SIRPA: variants seen among roughly 807,000 people sequenced by gnomAD.
SIRPA encodes signal regulatory protein alpha, also known as tyrosine-protein phosphatase non-receptor type substrate 1.
SIRPA carries 9 observed loss-of-function variants against 50.3 expected under a neutral mutation model. That is an observed-to-expected ratio of 0.18 (90% CI 0.11 to 0.31). The LOEUF (loss-of-function observed/expected upper bound fraction) is 0.31, where lower values mean the gene tolerates loss of function less well. Ranked by LOEUF, SIRPA falls within the 10% of genes least tolerant of loss-of-function variation. The pLI, the probability that SIRPA is intolerant of heterozygous loss-of-function variation, is 1.00. For synonymous variants in SIRPA, 265 were observed against 284.1 expected, an observed-to-expected ratio of 0.93 and a Z score of 0.68; for missense variants, 474 against 661.6, an observed-to-expected ratio of 0.72 and a Z score of 3.11.
At chr20:1,901,495 C>G (rs188153340) in intron 1 of SIRPA, among the ~76,000 whole-genome samples, 1 of 152,082 alleles carries the variant, frequency 6.6e-6, no homozygotes, top group Non-Finnish European at 1.5e-5. Context: ...TATCAGTGCA[C>G]CTTCCTATGA....
upstream of SIRPA, chr20:1,895,283 C>T (rs189060213): frequency 0.053 from 23,153 of 440,838 alleles, 698 homozygotes; most frequent in Non-Finnish European, 0.066. Context: ...CTCCAAAAAC[C>T]GCGGCGGCGG....
At chr20:1,931,883 T>C (rs762431661) in intron 6 of SIRPA, among the ~76,000 whole-genome samples, 2 of 152,228 alleles carry the variant, frequency 1.3e-5, no homozygotes, top group Non-Finnish European at 2.9e-5. Flanking sequence ...ATTTATTCAC[T>C]TGTCAGACAT....
In SIRPA at chr20:1,936,720, T is replaced by C. The variant is rs1600467178; in HGVS notation, c.1267-600T>C. Among the ~76,000 whole-genome samples, 1 of 152,196 alleles carries C rather than the reference T, an allele frequency of 6.6e-6. No homozygotes were observed. Among genetic ancestry groups the C allele is most frequent in the East Asian group, 1.9e-4 (1 of 5,202 alleles). On this transcript the variant is annotated intron_variant, in intron 7 of 7. Transcript: ENST00000358771. The surrounding 1 kb of genome is among the most constrained non-coding windows in gnomAD (Gnocchi z 4.2). ...ATCATAACAAATGCCCAGTGAATAT[T>C]TGTGGAATAAACGCATACATTAATG...
At chr20:1,923,990 T>C (rs79810152) in intron 4 of SIRPA, among the ~76,000 whole-genome samples, 1 of 105,024 alleles carries the variant, frequency 9.5e-6, no homozygotes, top group Non-Finnish European at 2.0e-5. Context: ...GGTTGGTTGG[T>C]TGGTTGGTTG....
intron 2 of SIRPA, among the ~76,000 whole-genome samples, chr20:1,918,085 A>G (rs1985406947): frequency 6.6e-6 from 1 of 152,144 alleles, no homozygotes; most frequent in Non-Finnish European, 1.5e-5. Context: ...TCATCTGTAG[A>G]ATGGTGATAA....
In SIRPA at chr20:1,908,100, G is replaced by T. The variant is rs183705261; in HGVS notation, c.80-6999G>T. 1.9e-3 allele frequency among the ~76,000 whole-genome samples: 294 copies of T among 152,244 alleles called. 3 individuals are homozygous for T. Among genetic ancestry groups the T allele is most frequent in the Middle Eastern group, 3.4e-3 (1 of 294 alleles). On this transcript the variant is annotated intron_variant, in intron 1 of 7. Transcript: ENST00000358771. ...ACAGATACCACACAGGGTGTTGACC[G>T]CCAGGAGCCCATGGCAGACTTGAGG... is the stretch of plus-strand genomic sequence containing the variant.
chr20:1,939,053 C>A lies in SIRPA; in HGVS notation c.*1485C>A, dbSNP rs1280702719. The A allele has an allele frequency of 2.6e-5, 4 of 152,696 alleles. No individual in the cohort carries two copies. Among genetic ancestry groups the A allele is most frequent in the African/African-American group, 7.2e-5 (3 of 41,468 alleles). The allele number at this position is 152,696 out of a possible 1,614,324, so 9.5% of individuals were successfully genotyped here. A position where few individuals can be genotyped will look rare whatever the true frequency, so the allele number is the denominator to read the frequency against. On this transcript the variant is annotated 3_prime_UTR_variant, in exon 8 of 8. Transcript: ENST00000358771. This position sits in a 1 kb window ranked among gnomAD's most constrained non-coding sequence, Gnocchi z 4.7. ...CAGCTGTGAAGCTCGGGCTGATTCC[C>A]CCTCTGTCCCAGAAGGTTGGCCAGA...
At chr20:1,922,953 G>A (rs1985758703) in intron 4 of SIRPA, among the ~76,000 whole-genome samples, 1 of 152,100 alleles carries the variant, frequency 6.6e-6, no homozygotes, top group Admixed American at 6.6e-5. Context: ...CAGTTGTCAT[G>A]CTCCCCATTC....
rs1057114 is a variant in SIRPA at position 1,915,243 on chromosome 20, G to C, written c.224G>C (p.Gly75Ala). Residue 75 changes from glycine to alanine, a missense_variant, in exon 2 of 8, where the codon GGC becomes GCC. Transcript: ENST00000358771. ...CAGTGGTTCAGAGGAGCTGGACCAG[G>C]CCGGGAATTAATCTACAATCAAAAA... ...PIQWFRGAGP[G>A]RELIYNQKEG... 594,920 of 1,559,760 alleles carry C rather than the reference G, an allele frequency of 0.38. 122,122 individuals are homozygous for C. Among genetic ancestry groups the C allele is most frequent in the East Asian group, 0.66 (28,581 of 43,462 alleles).
In SIRPA at chr20:1,937,604, G is replaced by T. The variant is rs763820080; in HGVS notation, c.*36G>T. The T allele has an allele frequency of 5.0e-6, 8 of 1,602,624 alleles. No individual in the cohort carries two copies. The highest frequency in any genetic ancestry group is 3.4e-6 in the Non-Finnish European group (4 of 1,172,384). On this transcript the variant is annotated 3_prime_UTR_variant, in exon 8 of 8. Transcript: ENST00000358771. This position sits in a 1 kb window ranked among gnomAD's most constrained non-coding sequence, Gnocchi z 8.3. ...GGTTTGCTCTAGCACCCATCTCTAC[G>T]CGCTTTCTTGTCCCACAGGGAGCCG...
intron 1 of SIRPA, among the ~76,000 whole-genome samples, chr20:1,897,849 C>G (rs951143094): frequency 2.6e-5 from 4 of 152,186 alleles, no homozygotes; most frequent in Admixed American, 6.5e-5. Context: ...CTAAAAAGAT[C>G]CCAGTGAAGT....
chr20:1,927,830 G>A lies in SIRPA; in HGVS notation c.1202-45G>A, dbSNP rs1292029517. On this transcript the variant is annotated intron_variant, in intron 5 of 7. Coordinates refer to ENST00000358771, the MANE Select transcript of SIRPA (RefSeq NM_001040023.2). This position sits in a 1 kb window ranked among gnomAD's most constrained non-coding sequence, Gnocchi z 6.5. ...CAAAAAATAGTTACATAAGAAAAGT[G>A]TGCTTCTAGTTAAACAACTGGCTTT... is the stretch of plus-strand genomic sequence containing the variant. The A allele has an allele frequency of 1.6e-5, 25 of 1,598,660 alleles. No homozygotes were observed. The highest frequency in any genetic ancestry group is 2.1e-5 in the Non-Finnish European group (24 of 1,166,040).
chr20:1,907,338 G>A (rs779805463), intron 1 of SIRPA, among the ~76,000 whole-genome samples: 3 of 152,176 alleles, frequency 2.0e-5, no homozygotes, highest in East Asian at 1.9e-4. Flanking sequence ...CAGTGGTGCC[G>A]GCAGAATGTT....
In SIRPA at chr20:1,928,644, T is replaced by C. The variant is rs994218759; in HGVS notation, c.1226+745T>C. ...GAGATGGAGGTGAATGGTGGGGGGC[T>C]GTCTTAGGCAGAGGAAGGGACTGCC... On this transcript the variant is annotated intron_variant, in intron 6 of 7. Coordinates refer to ENST00000358771, the MANE Select transcript of SIRPA (RefSeq NM_001040023.2). The surrounding 1 kb of genome is among the most constrained non-coding windows in gnomAD (Gnocchi z 4.9). Among the ~76,000 whole-genome samples the C allele has an allele frequency of 6.6e-6, 1 of 152,060 alleles. No homozygotes were observed. Among genetic ancestry groups the C allele is most frequent in the African/African-American group, 2.4e-5 (1 of 41,398 alleles).
chr20:1,926,900 T>G (rs1230698936), intron 5 of SIRPA, among the ~76,000 whole-genome samples: 2 of 152,188 alleles, frequency 1.3e-5, no homozygotes, highest in African/African-American at 4.8e-5. Context: ...TGTCCTGATT[T>G]CAACTCAACC....
rs148487904 is a variant in SIRPA, at chr20:1,922,344, C to T, written c.786C>T (p.Pro262=). 1.0e-4 allele frequency: 166 copies of T among 1,614,094 alleles called. 1 individual carries two copies. The South Asian group carries it at 1.3e-3, about 13-fold the overall frequency. The change falls in exon 4 of 8, where the codon CCC becomes CCT. Residue 262 remains proline, a synonymous_variant. Transcript: ENST00000358771. The part of the protein sequence containing the change: ...VPPTLEVTQQ[P]VRAENQVNVT... ...CCACCTTGGAGGTTACTCAACAGCC[C>T]GTGAGGGCAGAGAACCAGGTGAATG... is the stretch of plus-strand genomic sequence containing the variant.
intron 6 of SIRPA, among the ~76,000 whole-genome samples, chr20:1,931,074 A>G (rs2122171670): frequency 6.6e-6 from 1 of 152,182 alleles, no homozygotes; most frequent in Middle Eastern, 3.4e-3. Context: ...TCTTGCAGGA[A>G]CCCTATGATT....
rs1292048669 is a variant in SIRPA at position 1,895,461 on chromosome 20, G to C, written c.14G>C (p.Gly5Ala). ...CAGCCGCGGCCCATGGAGCCCGCCGGCCCGGCCCCCGGCCGCCTCGGGCCG... is the reference window on the plus strand; with the variant it reads ...CAGCCGCGGCCCATGGAGCCCGCCGCCCCGGCCCCCGGCCGCCTCGGGCCG... MEPA[G>A]PAPGRLGPLL... Residue 5 changes from glycine (G) to alanine (A), a missense_variant, in exon 1 of 8, where the codon GGC becomes GCC. By Grantham distance (60) the Gly-to-Ala change is moderately conservative. This residue lies in a region of SIRPA where 72 missense variants were observed against 76.2 expected (regional missense o/e 0.94). Coordinates refer to ENST00000358771, the MANE Select transcript of SIRPA (RefSeq NM_001040023.2). 12 of 1,424,894 alleles carry C rather than the reference G, an allele frequency of 8.4e-6. No homozygotes were observed. The highest frequency in any genetic ancestry group is 1.1e-5 in the Non-Finnish European group (12 of 1,096,044). 88.3% of individuals were successfully genotyped at this position (1,424,894 alleles called of 1,614,324 possible).
intron 6 of SIRPA, among the ~76,000 whole-genome samples, chr20:1,929,552 A>G (rs1986182430): frequency 6.7e-6 from 1 of 148,330 alleles, no homozygotes; most frequent in Admixed American, 6.6e-5. Flanking sequence ...GGCTCTGGGA[A>G]GCATCAGGTG....
Sources: allele counts gnomAD v4.1 joint callset (sites outside exome capture counted in the v4.1 genomes callset), GRCh38; gene constraint gnomAD v4.1.1; regional missense constraint gnomAD v4.1.1; non-coding constraint Gnocchi (gnomAD v3.1); transcripts MANE v1.5; gene names NCBI Gene and HGNC (gene_info 2026-07-23, HGNC 2026-07-21).